Variants in CFAP77 observed in about 807,000 individuals in gnomAD.
The protein encoded by CFAP77 is cilia and flagella associated protein 77.
A neutral mutation model predicts 31.1 loss-of-function variants in CFAP77; 25 were observed. The observed-to-expected ratio is 0.80, with a 90% CI of 0.59 to 1.12. CFAP77 has a LOEUF of 1.12. Among genes scored for constraint, CFAP77 ranks in the 50% most tolerant of loss-of-function variants. CFAP77 has a pLI of 0.00. For missense variants in CFAP77, 377 were observed against 397.3 expected (o/e 0.95, Z 0.44); for synonymous variants, 151 against 159.9 (o/e 0.94, Z 0.42).
chr9:132,523,092 T>TTCTTTCTTTC (rs1852298502), intron 3 of CFAP77, among the ~76,000 whole-genome samples: 1 of 87,232 alleles, frequency 1.1e-5, no homozygotes, highest in African/African-American at 3.5e-5. Flanking sequence ...TTCTTTCTTT[T>TTCTTTCTTTC]TTTTTTTTTT....
chr9:132,519,519 G>GGTGGGTGT (rs1852217685), intron 3 of CFAP77, among the ~76,000 whole-genome samples: 1 of 55,846 alleles, frequency 1.8e-5, no homozygotes. Flanking sequence ...TGGGTGGGTG[G>GGTGGGTGT]GTAGATGGAT....
At chr9:132,496,205 T>TAA (rs546569553) in intron 1 of CFAP77, among the ~76,000 whole-genome samples, 101 of 148,632 alleles carry the variant, frequency 6.8e-4, no homozygotes, top group Admixed American at 2.5e-3. Flanking sequence ...GTCTATTTTT[T>TAA]TAAAAAAAAC....
chr9:132,505,538 T>G (rs1407651240), intron 3 of CFAP77, among the ~76,000 whole-genome samples: 1 of 151,748 alleles, frequency 6.6e-6, no homozygotes, highest in Non-Finnish European at 1.5e-5. Flanking sequence ...GGGTCAGTCC[T>G]GGGGCTGTGG....
At chr9:132,474,587 G>T (rs1851316470) in intron 1 of CFAP77, among the ~76,000 whole-genome samples, 2 of 152,088 alleles carry the variant, frequency 1.3e-5, no homozygotes, top group Admixed American at 6.5e-5. Flanking sequence ...GACCAGGGGG[G>T]GAATGCACAG....
chr9:132,508,923 A>G (rs868725617), intron 3 of CFAP77, among the ~76,000 whole-genome samples: 78 of 152,182 alleles, frequency 5.1e-4, no homozygotes, highest in African/African-American at 1.9e-3. Flanking sequence ...GCGGCTGTTC[A>G]TATCCACAGG....
chr9:132,547,489 C>A (rs1852751657), intron 5 of CFAP77, among the ~76,000 whole-genome samples: 1 of 152,234 alleles, frequency 6.6e-6, no homozygotes, highest in Admixed American at 6.5e-5. Context: ...ATTCACAAAT[C>A]TTTTCCACAT....
intron 1 of CFAP77, among the ~76,000 whole-genome samples, chr9:132,421,077 G>A (rs1453744304): frequency 6.1e-5 from 9 of 146,720 alleles, no homozygotes; most frequent in Admixed American, 4.8e-4. Flanking sequence ...GTGTGATCTC[G>A]GCTCACTGCA....
chr9:132,479,487 G>A (rs1364135216), intron 1 of CFAP77, among the ~76,000 whole-genome samples: 1 of 152,226 alleles, frequency 6.6e-6, no homozygotes, highest in Non-Finnish European at 1.5e-5. Context: ...TTGAGCCAAG[G>A]TCCTCCTTGT....
intron 3 of CFAP77, among the ~76,000 whole-genome samples, chr9:132,512,811 G>A (rs1233286286): frequency 2.0e-5 from 3 of 152,322 alleles, no homozygotes; most frequent in African/African-American, 4.8e-5. Flanking sequence ...GCCAAGCGTG[G>A]TGGCAGGTGC....
intron 1 of CFAP77, among the ~76,000 whole-genome samples, chr9:132,411,686 A>G (rs557440008): frequency 6.6e-6 from 1 of 152,272 alleles, no homozygotes; most frequent in East Asian, 1.9e-4. Context: ...TTATTCTTGG[A>G]TGAAGGAGAG....
At chr9:132,537,828 C>T in intron 4 of CFAP77, 122 bp downstream of exon 4, 1 of 703,938 alleles carries the variant, frequency 1.4e-6, no homozygotes, top group Non-Finnish European at 2.5e-6. Flanking sequence ...AGTGGGAAAT[C>T]AGGTTGCATC....
intron 1 of CFAP77, among the ~76,000 whole-genome samples, chr9:132,433,202 G>C (rs1214609625): frequency 6.6e-6 from 1 of 152,156 alleles, no homozygotes; most frequent in Non-Finnish European, 1.5e-5. Context: ...ACTTCATGGG[G>C]CTGTTGCAAA....
At chr9:132,536,175 G>A (rs979387631) in intron 3 of CFAP77, among the ~76,000 whole-genome samples, 1 of 152,092 alleles carries the variant, frequency 6.6e-6, no homozygotes, top group Non-Finnish European at 1.5e-5. Flanking sequence ...TAAGCTCCAA[G>A]TGGGTACAAA....
At position 132,454,677 on chromosome 9, in the gene CFAP77, A is replaced by G. The variant is rs1850883842; in HGVS notation, c.196-44018A>G. ...TCTAGAAGTGAAGACTACTTCAGGA[A>G]AGCAAGTAAGCACTCCTAATTATGC... is the stretch of plus-strand genomic sequence containing the variant. On this transcript the variant is annotated intron_variant, in intron 1 of 5. Coordinates refer to ENST00000393216, the MANE Select transcript of CFAP77 (RefSeq NM_001282957.2). 2.6e-5 allele frequency among the ~76,000 whole-genome samples: 4 copies of G among 152,254 alleles called. 1 individual carries two copies. In the South Asian group the frequency reaches 8.3e-4, roughly 31 times the overall value.
chr9:132,486,025 T>TAC (rs1851539208), intron 1 of CFAP77, among the ~76,000 whole-genome samples: 1 of 49,442 alleles, frequency 2.0e-5, no homozygotes. Flanking sequence ...TATATATATA[T>TAC]ATATATATAT....
chr9:132,541,776 A>G (rs549828028), intron 4 of CFAP77, among the ~76,000 whole-genome samples: 1 of 152,332 alleles, frequency 6.6e-6, no homozygotes, highest in African/African-American at 2.4e-5. Context: ...CACTTTCAGT[A>G]AAATTAATAC....
At chr9:132,503,267 A>T (rs909721890) in intron 3 of CFAP77, among the ~76,000 whole-genome samples, 1 of 152,138 alleles carries the variant, frequency 6.6e-6, no homozygotes, top group African/African-American at 2.4e-5. Context: ...CTCCCAACAC[A>T]TGTGCCCTCC....
At position 132,424,502 on chromosome 9, in the gene CFAP77, G is replaced by T. The variant is rs1850281096; in HGVS notation, c.195+14036G>T. ...GGAGGGCTGAGAAGAGGAGGGACAG[G>T]TGTAGACAATGGCTAGACAAGGTGA... On this transcript the variant is annotated intron_variant, in intron 1 of 5. Coordinates refer to ENST00000393216, the MANE Select transcript of CFAP77 (RefSeq NM_001282957.2). This position sits in a 1 kb window ranked among gnomAD's most constrained non-coding sequence, Gnocchi z 4.1. Among the ~76,000 whole-genome samples the T allele has an allele frequency of 6.6e-6, 1 of 152,234 alleles. No homozygotes were observed. The highest frequency in any genetic ancestry group is 1.5e-5 in the Non-Finnish European group (1 of 68,030).
At position 132,483,166 on chromosome 9, in the gene CFAP77, G is replaced by C. The variant is rs182099002; in HGVS notation, c.196-15529G>C. On this transcript the variant is annotated intron_variant, in intron 1 of 5. Transcript: ENST00000393216. The stretch of plus-strand genomic sequence containing the variant: ...CGTGCCTGTAATCCCAGCTACTCAG[G>C]AGGCTGAGGCAGGACAATCGCTTGA... Among the ~76,000 whole-genome samples the C allele has an allele frequency of 3.3e-5, 5 of 152,204 alleles. No homozygotes were observed. In the East Asian group the frequency reaches 9.7e-4, roughly 29 times the overall value.
Sources: gnomAD v4.1 joint callset for allele counts (sites outside exome capture counted in the v4.1 genomes callset) on GRCh38, gnomAD v4.1.1 for gene constraint, Gnocchi (gnomAD v3.1) non-coding constraint, MANE v1.5 for transcripts, NCBI Gene and HGNC (gene_info 2026-07-23, HGNC 2026-07-21) for gene names.